The following CCBE1 variants were observed in gnomAD, a reference collection of about 807,000 sequenced individuals.
CCBE1 encodes collagen and calcium-binding EGF domain-containing protein 1.
In CCBE1, 37 loss-of-function variants were observed where a neutral mutation model predicts 50.0. The observed-to-expected ratio is 0.74, with a 90% CI of 0.57 to 0.97. The LOEUF (loss-of-function observed/expected upper bound fraction) is 0.97. CCBE1 is among the 50% of genes least tolerant of loss of function. The pLI, the probability that CCBE1 is intolerant of heterozygous loss-of-function variation, is 0.00. For synonymous variants in CCBE1, 234 were observed against 203.7 expected, an observed-to-expected ratio of 1.15 and a Z score of -1.27; for missense variants, 538 against 523.8, an observed-to-expected ratio of 1.03 and a Z score of -0.26.
Position 59,439,832 on chromosome 18 carries a change from AC to A in CCBE1, c.776-17del, listed in dbSNP as rs1473936541. On this transcript the variant is annotated splice_polypyrimidine_tract_variant and intron_variant, in intron 7 of 10. Transcript: ENST00000439986. Reference sequence around the variant, plus strand: ...CCTGGTGAGCCTGTAATCAAAGAACACCTCATTAGCTCACAGCACATGAGAA... The same window carrying A: ...CCTGGTGAGCCTGTAATCAAAGAACACTCATTAGCTCACAGCACATGAGAA... 6.2e-7 allele frequency: 1 copy of A among 1,612,698 alleles called. No homozygotes were observed. Among genetic ancestry groups the A allele is most frequent in the Non-Finnish European group, 8.5e-7 (1 of 1,179,868 alleles).
rs1909933604 is a variant in CCBE1 at position 59,431,125 on chromosome 18, A to T, written c.*4783T>A. On this transcript the variant is annotated 3_prime_UTR_variant, in exon 11 of 11. Transcript: ENST00000439986. ...AAAACAGACCCACGGCACACATGAA[A>T]TTCCTAAGGGGACTTGCTTTGATCC... is the stretch of plus-strand genomic sequence containing the variant. The T allele has an allele frequency of 6.6e-6, 1 of 152,196 alleles. No homozygotes were observed. Among genetic ancestry groups the T allele is most frequent in the South Asian group, 2.1e-4 (1 of 4,830 alleles). The allele number at this position is 152,196 out of a possible 1,614,324, so 9.4% of individuals were successfully genotyped here. A position where few individuals can be genotyped will look rare whatever the true frequency, so the allele number is the denominator to read the frequency against.
intron 2 of CCBE1, among the ~76,000 whole-genome samples, chr18:59,596,955 T>C (rs1277377371): frequency 6.6e-6 from 1 of 152,050 alleles, no homozygotes; most frequent in Non-Finnish European, 1.5e-5. Flanking sequence ...AGCAAAGTAA[T>C]GAAGAAAGAA....
intron 7 of CCBE1, among the ~76,000 whole-genome samples, chr18:59,441,870 C>G (rs1194375950): frequency 6.6e-6 from 1 of 152,166 alleles, no homozygotes; most frequent in Admixed American, 6.5e-5. Flanking sequence ...ATCGAACCAT[C>G]TAACATAAGT....
chr18:59,503,852 G>A lies in CCBE1; in HGVS notation c.213-23614C>T, dbSNP rs553333680. ...ACATACCAAATGTCTACATGTTCCT[G>A]GACAGGCCCTCATCTTCACACCTTA... On this transcript the variant is annotated intron_variant, in intron 2 of 10. Coordinates refer to ENST00000439986, the MANE Select transcript of CCBE1 (RefSeq NM_133459.4). Among the ~76,000 whole-genome samples the A allele has an allele frequency of 3.0e-4, 46 of 152,190 alleles. No individual in the cohort carries two copies. In the East Asian group the frequency reaches 5.2e-3, roughly 17 times the overall value.
At chr18:59,492,118 C>G (rs1913132854) in intron 2 of CCBE1, among the ~76,000 whole-genome samples, 1 of 133,560 alleles carries the variant, frequency 7.5e-6, no homozygotes, top group African/African-American at 3.0e-5. Flanking sequence ...GCACTCCAGC[C>G]TGGGCAACAG....
chr18:59,516,809 C>T (rs1356537408), intron 2 of CCBE1, among the ~76,000 whole-genome samples: 1 of 152,208 alleles, frequency 6.6e-6, no homozygotes, highest in African/African-American at 2.4e-5. Flanking sequence ...AGCAAACACA[C>T]AACACACAGG....
intron 2 of CCBE1, among the ~76,000 whole-genome samples, chr18:59,531,841 G>C (rs1915064461): frequency 6.6e-6 from 1 of 152,090 alleles, no homozygotes; most frequent in Non-Finnish European, 1.5e-5. Flanking sequence ...TCTACAAATG[G>C]GGGTGGGAAA....
At position 59,576,810 on chromosome 18, in the gene CCBE1, C is replaced by T. The variant is rs546703196; in HGVS notation, c.213-96572G>A. ...GTGTGTCTGGAATCCATGCATGTCT[C>T]GCTCAGACTGTGCCTTTCCCTAAAG... On this transcript the variant is annotated intron_variant, in intron 2 of 10. Coordinates refer to ENST00000439986, the MANE Select transcript of CCBE1 (RefSeq NM_133459.4). Among the ~76,000 whole-genome samples, 34 of 152,356 alleles carry T rather than the reference C, an allele frequency of 2.2e-4. 1 individual carries two copies. In the East Asian group the frequency reaches 5.0e-3, roughly 22 times the overall value.
At chr18:59,494,598 G>A (rs1913260853) in intron 2 of CCBE1, among the ~76,000 whole-genome samples, 1 of 152,018 alleles carries the variant, frequency 6.6e-6, no homozygotes, top group African/African-American at 2.4e-5. Context: ...AAAAAAATCA[G>A]AGAAGTCCAA....
intron 9 of CCBE1, among the ~76,000 whole-genome samples, chr18:59,438,606 T>C (rs1251092913): frequency 6.6e-6 from 1 of 152,146 alleles, no homozygotes; most frequent in Non-Finnish European, 1.5e-5. Flanking sequence ...GAAAAACACA[T>C]GTGAGAATCA....
intron 2 of CCBE1, among the ~76,000 whole-genome samples, chr18:59,610,051 A>G: frequency 6.6e-6 from 1 of 152,266 alleles, no homozygotes; most frequent in East Asian, 1.9e-4. Flanking sequence ...ACAAAGGCAC[A>G]CAAAATATAT....
At chr18:59,631,826 T>C (rs1052491284) in intron 2 of CCBE1, among the ~76,000 whole-genome samples, 1 of 152,162 alleles carries the variant, frequency 6.6e-6, no homozygotes, top group Non-Finnish European at 1.5e-5. Context: ...TGACTAGAAT[T>C]AGGACCCTTA....
intron 3 of CCBE1, among the ~76,000 whole-genome samples, chr18:59,477,565 T>C (rs868229704): frequency 6.8e-5 from 10 of 146,198 alleles, no homozygotes; most frequent in South Asian, 4.3e-4. Flanking sequence ...TGTGTGTGTG[T>C]GCACCTGCAT....
intron 2 of CCBE1, among the ~76,000 whole-genome samples, chr18:59,690,201 G>A (rs948066038): frequency 2.0e-5 from 3 of 152,076 alleles, no homozygotes; most frequent in African/African-American, 7.2e-5. Context: ...ACAAGTATTC[G>A]TTGACTAAGT....
intron 2 of CCBE1, among the ~76,000 whole-genome samples, chr18:59,692,285 T>C (rs1376802902): frequency 3.3e-5 from 5 of 152,130 alleles, no homozygotes; most frequent in Non-Finnish European, 7.4e-5. Flanking sequence ...TTCAAAGCAT[T>C]TTACATGTAT....
chr18:59,536,608 T>C (rs943588467), intron 2 of CCBE1, among the ~76,000 whole-genome samples: 3 of 152,102 alleles, frequency 2.0e-5, no homozygotes, highest in South Asian at 2.1e-4. Flanking sequence ...ATAGTGTACA[T>C]GACAAATAAG....
intron 2 of CCBE1, among the ~76,000 whole-genome samples, chr18:59,693,914 C>T (rs1028097541): frequency 7.8e-6 from 1 of 128,982 alleles, no homozygotes; most frequent in Non-Finnish European, 1.6e-5. Context: ...GCTCTGTCAC[C>T]AGACTGGAAT....
intron 2 of CCBE1, among the ~76,000 whole-genome samples, chr18:59,482,529 A>T (rs1912620619): frequency 1.3e-5 from 2 of 152,230 alleles, no homozygotes; most frequent in African/African-American, 4.8e-5. Flanking sequence ...ACAATAGCAA[A>T]GACTTGCTCT....
chr18:59,553,205 C>A (rs951100733), intron 2 of CCBE1, among the ~76,000 whole-genome samples: 14 of 139,474 alleles, frequency 1.0e-4, no homozygotes, highest in Admixed American at 9.3e-4. Context: ...CCAGTCTACC[C>A]TGGAGAAAGA....
Sources: allele counts gnomAD v4.1 joint callset (sites outside exome capture counted in the v4.1 genomes callset), GRCh38; gene constraint gnomAD v4.1.1; transcripts MANE v1.5; gene names NCBI Gene and HGNC (gene_info 2026-07-23, HGNC 2026-07-21).